The following GSE1 variants were observed in gnomAD, a reference collection of about 807,000 sequenced individuals.
GSE1 encodes the protein genetic suppressor element 1.
GSE1 carries 32 observed loss-of-function variants against 112.6 expected under a neutral mutation model. The observed-to-expected ratio is 0.28, with a 90% confidence interval of 0.21 to 0.38. The LOEUF (loss-of-function observed/expected upper bound fraction) is 0.38, where lower values mean the gene tolerates loss of function less well. GSE1 is among the 10% of genes least tolerant of loss of function. The probability of loss-of-function intolerance (pLI) is 1.00; values close to 1 mark genes in which losing one functional copy is unlikely to be tolerated. For missense variants in GSE1, 2,348 were observed against 1,699.2 expected (o/e 1.38, Z -6.71); for synonymous variants, 1,115 against 735.6 (o/e 1.52, Z -8.35).
chr16:85,200,552 T>C (rs906948952), intron 1 of GSE1, among the ~76,000 whole-genome samples: 1 of 152,112 alleles, frequency 6.6e-6, no homozygotes, highest in African/African-American at 2.4e-5. Flanking sequence ...GGCAGGTGTT[T>C]CCAGGTGTGG....
chr16:85,661,028 T>C, intron 8 of GSE1, 118 bp from the exon 9 acceptor site: 2 of 878,410 alleles, frequency 2.3e-6, no homozygotes, highest in Non-Finnish European at 3.5e-6. Context: ...CTGTTGGCAC[T>C]GGCTCTCTAA....
At chr16:85,524,622 G>C (rs1204263957) in intron 2 of GSE1, among the ~76,000 whole-genome samples, 1 of 152,162 alleles carries the variant, frequency 6.6e-6, no homozygotes, top group East Asian at 1.9e-4. Flanking sequence ...GGGGCTGTCA[G>C]CCTCGGCCAG....
intron 8 of GSE1, among the ~76,000 whole-genome samples, chr16:85,660,249 G>C (rs1024883764): frequency 6.6e-6 from 1 of 152,202 alleles, no homozygotes; most frequent in Non-Finnish European, 1.5e-5. Context: ...ACCGAAACTG[G>C]ATCTGTCCCA....
intron 1 of GSE1, among the ~76,000 whole-genome samples, chr16:85,282,161 G>A (rs1218668305): frequency 6.6e-6 from 1 of 151,944 alleles, no homozygotes; most frequent in Non-Finnish European, 1.5e-5. Flanking sequence ...TCGAGTAGCT[G>A]GGACTACAGG....
intron 2 of GSE1, among the ~76,000 whole-genome samples, chr16:85,478,139 T>C (rs1031825480): frequency 2.6e-5 from 4 of 152,222 alleles, no homozygotes; most frequent in African/African-American, 9.6e-5. Context: ...TGACCTTTTG[T>C]GTCCAGCTTC....
intron 2 of GSE1, among the ~76,000 whole-genome samples, chr16:85,507,912 G>C (rs974337693): frequency 2.6e-5 from 4 of 152,212 alleles, no homozygotes; most frequent in African/African-American, 9.7e-5. Flanking sequence ...CGCCTCGTGT[G>C]TTTCTATGGG....
At chr16:85,561,273 G>T (rs986496850) in intron 1 of GSE1, among the ~76,000 whole-genome samples, 6 of 152,234 alleles carry the variant, frequency 3.9e-5, no homozygotes, top group African/African-American at 7.2e-5. Context: ...GGAAACTGAG[G>T]TACAGAGAGA....
At position 85,587,016 on chromosome 16, in the gene GSE1, G is replaced by A. The variant is rs138828559; in HGVS notation, c.37+30653G>A. 3.5e-3 allele frequency among the ~76,000 whole-genome samples: 533 copies of A among 152,330 alleles called. 2 individuals are homozygous for A. Among genetic ancestry groups the A allele is most frequent in the African/African-American group, 0.012 (497 of 41,564 alleles). ...TTACAGGCTGTTCCTTGCTAGGCTC[G>A]CATCACCCCTCTAAGATGCAGAATT... On this transcript the variant is annotated intron_variant, in intron 1 of 2. Transcript: ENST00000635906.
chr16:85,433,466 AG>A (rs778273563), intron 2 of GSE1, among the ~76,000 whole-genome samples: 3 of 152,250 alleles, frequency 2.0e-5, no homozygotes, highest in Non-Finnish European at 4.4e-5. Flanking sequence ...GGCCACCCCC[AG>A]GGACCTCTGC....
In GSE1 at chr16:85,598,153, C is replaced by G. The variant is rs896511668; in HGVS notation, c.37+41790C>G. ...TTTCTCTCTCTCTTTCTCTCCCAGG[C>G]CTGAGGTTTGGTTGTTTTTTTTTTT... On this transcript the variant is annotated intron_variant, in intron 1 of 2. Coordinates refer to the GSE1 transcript ENST00000635906. Among the ~76,000 whole-genome samples the G allele has an allele frequency of 2.0e-5, 3 of 150,330 alleles. No individual in the cohort carries two copies. In the South Asian group the frequency reaches 6.4e-4, roughly 32 times the overall value.
intron 2 of GSE1, among the ~76,000 whole-genome samples, chr16:85,470,176 C>T (rs760364609): frequency 5.9e-5 from 9 of 152,278 alleles, no homozygotes; most frequent in Non-Finnish European, 1.3e-4. Context: ...GCCAGCTGGG[C>T]TGTTCATGCT....
chr16:85,265,787 C>T (rs533520770), intron 1 of GSE1, among the ~76,000 whole-genome samples: 27 of 152,234 alleles, frequency 1.8e-4, no homozygotes, highest in African/African-American at 5.8e-4. Flanking sequence ...CATGCATCGC[C>T]GGGGTCCAGG....
At chr16:85,358,864 C>G (rs1385721386) in intron 2 of GSE1, among the ~76,000 whole-genome samples, 1 of 152,196 alleles carries the variant, frequency 6.6e-6, no homozygotes, top group Non-Finnish European at 1.5e-5. Flanking sequence ...AATCAGAGCT[C>G]CTGATCACAA....
intron 1 of GSE1, among the ~76,000 whole-genome samples, chr16:85,230,565 G>A (rs1273486812): frequency 2.0e-5 from 3 of 152,184 alleles, no homozygotes; most frequent in East Asian, 1.9e-4. Flanking sequence ...TGCTGCGGGG[G>A]TTCATTCTCC....
chr16:85,552,310 C>A (rs1197922461), upstream of GSE1, among the ~76,000 whole-genome samples: 2 of 121,404 alleles, frequency 1.6e-5, no homozygotes, highest in East Asian at 4.5e-4. Flanking sequence ...CAGGCGTGAA[C>A]CACCGCACCC....
chr16:85,175,911 C>A (rs1017610955), intron 1 of GSE1, among the ~76,000 whole-genome samples: 1 of 152,206 alleles, frequency 6.6e-6, no homozygotes, highest in Non-Finnish European at 1.5e-5. Flanking sequence ...CAGCTAGTAA[C>A]CCCAGGACCA....
chr16:85,424,608 T>G (rs529439036), intron 2 of GSE1, among the ~76,000 whole-genome samples: 30 of 152,380 alleles, frequency 2.0e-4, no homozygotes, highest in South Asian at 1.7e-3. Flanking sequence ...GCCAGGATCT[T>G]GCTCACATAC....
At chr16:85,275,588 G>T (rs1341302743) in intron 1 of GSE1, among the ~76,000 whole-genome samples, 1 of 152,306 alleles carries the variant, frequency 6.6e-6, no homozygotes, top group East Asian at 1.9e-4. Flanking sequence ...TTTCCCTGTG[G>T]CATCCTCTCT....
chr16:85,626,839 C>T (rs548118993), intron 1 of GSE1, among the ~76,000 whole-genome samples: 23 of 151,876 alleles, frequency 1.5e-4, no homozygotes, highest in Middle Eastern at 3.4e-3. Flanking sequence ...GGAGGGGGAG[C>T]GAGGAATGGG....
Sources: allele counts gnomAD v4.1 joint callset (sites outside exome capture counted in the v4.1 genomes callset), GRCh38; gene constraint gnomAD v4.1.1; transcripts MANE v1.5; gene names NCBI Gene and HGNC (gene_info 2026-07-23, HGNC 2026-07-21).